SEC24D: variants seen among roughly 807,000 people sequenced by gnomAD.
The protein encoded by SEC24D is SEC24 homolog D, COPII component, also known as protein transport protein Sec24D.
A neutral mutation model predicts 116.9 loss-of-function variants in SEC24D; 69 were observed. That is an observed-to-expected ratio of 0.59 (90% CI 0.49 to 0.72). SEC24D has a LOEUF of 0.72. Among genes scored for constraint, SEC24D ranks in the 30% least tolerant of loss-of-function variants. The pLI is 0.00. For synonymous variants in SEC24D, 405 were observed against 442.8 expected (o/e 0.91, Z 1.07); for missense variants, 1,131 against 1,264.1 (o/e 0.89, Z 1.60).
intron 8 of SEC24D, among the ~76,000 whole-genome samples, chr4:118,785,900 T>C (rs1728647814): frequency 6.6e-6 from 1 of 152,160 alleles, no homozygotes; most frequent in South Asian, 2.1e-4. Context: ...CTCTTTCTTG[T>C]ATATAGCAGA....
intron 1 of SEC24D, 107 bp from the exon 2 acceptor site, chr4:118,833,844 T>C (rs1730979439): frequency 1.7e-6 from 1 of 590,870 alleles, no homozygotes; most frequent in Non-Finnish European, 3.0e-6. Flanking sequence ...TGAGGAAAAG[T>C]ACAGATATCA....
chr4:118,803,145 AT>A (rs952668159), intron 7 of SEC24D, among the ~76,000 whole-genome samples: 10 of 151,908 alleles, frequency 6.6e-5, no homozygotes, highest in African/African-American at 2.4e-4. Flanking sequence ...GTGTGGGATG[AT>A]TTTTTTTACA....
At chr4:118,809,754 T>C (rs1366792004) in intron 6 of SEC24D, among the ~76,000 whole-genome samples, 2 of 152,052 alleles carry the variant, frequency 1.3e-5, no homozygotes, top group Non-Finnish European at 2.9e-5. Context: ...CATCATGGAG[T>C]GGACATTCTT....
intron 8 of SEC24D, among the ~76,000 whole-genome samples, chr4:118,791,409 A>C (rs1728888946): frequency 6.6e-6 from 1 of 152,216 alleles, no homozygotes; most frequent in Non-Finnish European, 1.5e-5. Flanking sequence ...TGTTGACCTT[A>C]ACAAGTTATC....
intron 8 of SEC24D, among the ~76,000 whole-genome samples, chr4:118,784,740 C>CCG (rs1553926966): frequency 2.2e-5 from 1 of 44,668 alleles, no homozygotes; most frequent in African/African-American, 7.8e-5. Context: ...TCCTTCCCTG[C>CCG]CCCCCCCCCC....
At chr4:118,730,408 C>G (rs1725623602) in intron 21 of SEC24D, 1 of 152,168 alleles carries the variant, frequency 6.6e-6, no homozygotes, top group Admixed American at 6.5e-5. Flanking sequence ...CTAAACTGAT[C>G]ACCTGTCATG....
chr4:118,776,233 C>A (rs1466853751), intron 8 of SEC24D, among the ~76,000 whole-genome samples: 2 of 152,026 alleles, frequency 1.3e-5, no homozygotes, highest in Non-Finnish European at 2.9e-5. Flanking sequence ...TGTGATGAAC[C>A]CTAATGTGCT....
At chr4:118,736,245 T>A (rs1202508316) in intron 19 of SEC24D, 1 of 152,654 alleles carries the variant, frequency 6.6e-6, no homozygotes, top group Non-Finnish European at 1.5e-5. Context: ...CCTCAAGTGA[T>A]CCACCTGCCT....
chr4:118,750,198 G>C (rs535704977), intron 13 of SEC24D, among the ~76,000 whole-genome samples: 2 of 152,204 alleles, frequency 1.3e-5, no homozygotes, highest in Non-Finnish European at 2.9e-5. Flanking sequence ...GTTGTACTGC[G>C]TGAGCAACCT....
At position 118,751,485 on chromosome 4, in the gene SEC24D, C is replaced by T. The variant is rs138224957; in HGVS notation, c.1707+511G>A. Among the ~76,000 whole-genome samples the T allele has an allele frequency of 2.7e-3, 414 of 152,204 alleles. 1 individual carries two copies. The highest frequency in any genetic ancestry group is 4.6e-3 in the Non-Finnish European group (311 of 67,994). On this transcript the variant is annotated intron_variant, in intron 13 of 22. Transcript: ENST00000280551. ...GAGAGTGAGTGCTTTTTAATCATTA[C>T]GGCTTCTTCAGTTTACTGTCTTCAT... is the stretch of plus-strand genomic sequence containing the variant.
chr4:118,775,345 C>A (rs1358880051), intron 8 of SEC24D, among the ~76,000 whole-genome samples: 646 of 113,976 alleles, frequency 5.7e-3, no homozygotes, highest in Middle Eastern at 0.016. Flanking sequence ...AGCAAAAGGT[C>A]AAAAAAAAAA....
At chr4:118,743,760 G>A (rs2110445459) in intron 15 of SEC24D, among the ~76,000 whole-genome samples, 1 of 152,276 alleles carries the variant, frequency 6.6e-6, no homozygotes, top group Admixed American at 6.5e-5. Context: ...TACATATTCA[G>A]TATAATGCAA....
intron 6 of SEC24D, among the ~76,000 whole-genome samples, chr4:118,807,581 A>G (rs1729730203): frequency 6.6e-6 from 1 of 151,806 alleles, no homozygotes; most frequent in Non-Finnish European, 1.5e-5. Flanking sequence ...TGTCCAAACG[A>G]CACCAAGGGT....
At chr4:118,755,529 C>A (rs978578725) in intron 11 of SEC24D, among the ~76,000 whole-genome samples, 1 of 149,404 alleles carries the variant, frequency 6.7e-6, no homozygotes, top group Non-Finnish European at 1.5e-5. Flanking sequence ...ACATTCAAAT[C>A]TTTTCTTTCC....
chr4:118,763,941 G>A (rs1727512922), intron 10 of SEC24D, among the ~76,000 whole-genome samples: 1 of 152,202 alleles, frequency 6.6e-6, no homozygotes, highest in Admixed American at 6.5e-5. Flanking sequence ...GATAAAGACA[G>A]AGAAAGTTGC....
chr4:118,824,523 G>A (rs749588645), intron 3 of SEC24D, 97 bp downstream of exon 3: 65 of 1,351,880 alleles, frequency 4.8e-5, no homozygotes, highest in Admixed American at 2.2e-5. Context: ...TCATCAAAAC[G>A]TCAAACTTTC....
intron 13 of SEC24D, among the ~76,000 whole-genome samples, chr4:118,745,394 G>C (rs577189988): frequency 3.9e-5 from 6 of 152,302 alleles, no homozygotes; most frequent in Admixed American, 2.6e-4. Context: ...CTACAGTATA[G>C]TCTTTCAGGA....
rs10014893 is a variant in SEC24D, at chr4:118,792,103, G to A, written c.1041+5580C>T. Among the ~76,000 whole-genome samples the A allele has an allele frequency of 7.4e-3, 1,110 of 150,118 alleles. 14 individuals are homozygous for A. The highest frequency in any genetic ancestry group is 0.025 in the African/African-American group (1,022 of 40,626). On this transcript the variant is annotated intron_variant, in intron 8 of 22. Coordinates refer to ENST00000280551, the MANE Select transcript of SEC24D (RefSeq NM_014822.4). ...GGGAGCGCCTCTGCCCCGCCGCCCC[G>A]TCTGAGATGTGAAGAGCGCCTCTGC...
intron 8 of SEC24D, among the ~76,000 whole-genome samples, chr4:118,787,971 CT>C (rs765936563): frequency 9.9e-5 from 15 of 152,146 alleles, no homozygotes; most frequent in Non-Finnish European, 1.9e-4. Flanking sequence ...CATCACTGTA[CT>C]TGGCTACTTA....
Sources: allele counts gnomAD v4.1 joint callset (sites outside exome capture counted in the v4.1 genomes callset), GRCh38; gene constraint gnomAD v4.1.1; transcripts MANE v1.5; gene names NCBI Gene and HGNC (gene_info 2026-07-23, HGNC 2026-07-21).